The following SAMD12 variants were observed in gnomAD, a reference collection of about 807,000 sequenced individuals.
The protein encoded by SAMD12 is sterile alpha motif domain-containing protein 12.
Under a neutral mutation model 15.0 loss-of-function variants are expected in SAMD12, and 9 were observed. The ratio of observed to expected loss-of-function variants is 0.60; its 90% CI spans 0.36 to 1.05. The LOEUF (loss-of-function observed/expected upper bound fraction) is 1.05. Among genes scored for constraint, SAMD12 ranks in the 50% least tolerant of loss-of-function variants. The probability of loss-of-function intolerance (pLI) is 0.01; values close to 1 mark genes in which losing one functional copy is unlikely to be tolerated. For synonymous variants in SAMD12, 86 were observed against 90.1 expected (o/e 0.96, Z 0.25); for missense variants, 230 against 234.2 (o/e 0.98, Z 0.12).
intron 2 of SAMD12, among the ~76,000 whole-genome samples, chr8:118,570,361 A>G (rs1826973679): frequency 6.6e-6 from 1 of 152,132 alleles, no homozygotes; most frequent in Non-Finnish European, 1.5e-5. Context: ...ACCCCCTCCC[A>G]TCCTCCATAC....
At chr8:118,444,875 C>T (rs1822863608) in intron 2 of SAMD12, among the ~76,000 whole-genome samples, 1 of 151,990 alleles carries the variant, frequency 6.6e-6, no homozygotes, top group Non-Finnish European at 1.5e-5. Flanking sequence ...TTGTAAGATC[C>T]CAATGGTTGT....
chr8:118,388,216 C>T (rs1436522728), intron 3 of SAMD12, among the ~76,000 whole-genome samples: 1 of 152,338 alleles, frequency 6.6e-6, no homozygotes, highest in South Asian at 2.1e-4. Context: ...CAAGGAGTTA[C>T]TGCTGGGCTA....
At chr8:118,199,679 C>T (rs956508066) in intron 4 of SAMD12, among the ~76,000 whole-genome samples, 3 of 152,122 alleles carry the variant, frequency 2.0e-5, no homozygotes, top group African/African-American at 7.2e-5. Flanking sequence ...TGAGAGAAAG[C>T]AGATATGTCT....
intron 3 of SAMD12, among the ~76,000 whole-genome samples, chr8:118,425,927 A>G (rs750372197): frequency 6.6e-6 from 1 of 152,186 alleles, no homozygotes; most frequent in Non-Finnish European, 1.5e-5. Context: ...GTTCTCCCAC[A>G]GCCATGTCAC....
intron 2 of SAMD12, among the ~76,000 whole-genome samples, chr8:118,524,436 C>T (rs187658508): frequency 6.6e-6 from 1 of 152,158 alleles, no homozygotes; most frequent in Non-Finnish European, 1.5e-5. Context: ...TTCTTTCTCA[C>T]CTCCCTGATT....
At chr8:118,208,148 T>A (rs1473329536) in intron 4 of SAMD12, among the ~76,000 whole-genome samples, 9 of 152,030 alleles carry the variant, frequency 5.9e-5, no homozygotes, top group African/African-American at 1.9e-4. Context: ...TCCCAGCTAC[T>A]CGGGAGGCTG....
intron 2 of SAMD12, among the ~76,000 whole-genome samples, chr8:118,475,422 T>G (rs2130975803): frequency 6.6e-6 from 1 of 152,294 alleles, no homozygotes; most frequent in Non-Finnish European, 1.5e-5. Flanking sequence ...CCTGCAGAAC[T>G]GTGAGCCAAA....
At chr8:118,172,522 T>C in the SAMD12 span, among the ~76,000 whole-genome samples, 1 of 152,212 alleles carries the variant, frequency 6.6e-6, no homozygotes, top group Admixed American at 6.5e-5. Context: ...GGGAATGTAA[T>C]TAGCTGAGTT....
chr8:118,441,234 T>C (rs1212866334), intron 2 of SAMD12, among the ~76,000 whole-genome samples: 2 of 152,244 alleles, frequency 1.3e-5, no homozygotes, highest in African/African-American at 4.8e-5. Context: ...AAAGTTACCC[T>C]TTATTTTATG....
intron 4 of SAMD12, among the ~76,000 whole-genome samples, chr8:118,355,466 A>C (rs1818184645): frequency 6.6e-6 from 1 of 152,160 alleles, no homozygotes. Context: ...ATAACTACTA[A>C]AAAACTTACT....
At chr8:118,317,039 GAA>G (rs1815954319) in intron 4 of SAMD12, among the ~76,000 whole-genome samples, 1 of 152,160 alleles carries the variant, frequency 6.6e-6, no homozygotes, top group Admixed American at 6.5e-5. Context: ...GTTCTTATAA[GAA>G]GAGGAAATTT....
At chr8:118,367,164 G>A (rs1362752628) in intron 4 of SAMD12, among the ~76,000 whole-genome samples, 1 of 151,852 alleles carries the variant, frequency 6.6e-6, no homozygotes, top group Non-Finnish European at 1.5e-5. Context: ...AGAATTGGTG[G>A]TCCCCCCAAA....
intron 2 of SAMD12, among the ~76,000 whole-genome samples, chr8:118,549,504 G>T (rs1212484758): frequency 6.6e-6 from 1 of 152,154 alleles, no homozygotes; most frequent in East Asian, 1.9e-4. Context: ...CAAACAGAAA[G>T]GACATCCACA....
chr8:118,300,271 C>T (rs141368348), intron 4 of SAMD12, among the ~76,000 whole-genome samples: 2 of 152,260 alleles, frequency 1.3e-5, no homozygotes, highest in East Asian at 1.9e-4. Context: ...CCTATCTAGC[C>T]GTAATTTTGT....
chr8:118,258,670 C>T (rs1401792450), intron 4 of SAMD12, among the ~76,000 whole-genome samples: 2 of 152,088 alleles, frequency 1.3e-5, no homozygotes, highest in Admixed American at 6.6e-5. Context: ...CAAAATAAGA[C>T]TAATTACTCC....
At chr8:118,334,544 C>G (rs1313546809) in intron 4 of SAMD12, among the ~76,000 whole-genome samples, 1 of 152,078 alleles carries the variant, frequency 6.6e-6, no homozygotes, top group Non-Finnish European at 1.5e-5. Flanking sequence ...AAGTTCTTCT[C>G]AAATCAAATT....
chr8:118,555,674 G>C (rs900645615), intron 2 of SAMD12, among the ~76,000 whole-genome samples: 1 of 152,092 alleles, frequency 6.6e-6, no homozygotes, highest in African/African-American at 2.4e-5. Context: ...CTGCAAATCA[G>C]CACATTATAA....
exon 5 of SAMD12, chr8:118,191,805 TATATATAGAG>T (rs1563686621): frequency 1.4e-4 from 3 of 22,206 alleles, no homozygotes; most frequent in African/African-American, 1.4e-4. Context: ...TATATATATA[TATATATAGAG>T]AGAGAGAGAG....
At chr8:118,553,658 C>T (rs1032215453) in intron 2 of SAMD12, among the ~76,000 whole-genome samples, 2 of 150,506 alleles carry the variant, frequency 1.3e-5, no homozygotes, top group Non-Finnish European at 3.0e-5. Flanking sequence ...AAAGCAATGG[C>T]AACAAAAGCC....
Sources: gnomAD v4.1 joint callset for allele counts (sites outside exome capture counted in the v4.1 genomes callset) on GRCh38, gnomAD v4.1.1 for gene constraint, MANE v1.5 for transcripts, NCBI Gene and HGNC (gene_info 2026-07-23, HGNC 2026-07-21) for gene names.